ALDH9A1: variants seen among roughly 807,000 people sequenced by gnomAD.
ALDH9A1 encodes the protein aldehyde dehydrogenase 9 family member A1.
Under a neutral mutation model 56.6 loss-of-function variants are expected in ALDH9A1, and 42 were observed. That is an observed-to-expected ratio of 0.74 (90% CI 0.58 to 0.96). The LOEUF (loss-of-function observed/expected upper bound fraction) is 0.96. Among genes scored for constraint, ALDH9A1 ranks in the 40% least tolerant of loss-of-function variants. The probability of loss-of-function intolerance (pLI) is 0.00; values close to 1 mark genes in which losing one functional copy is unlikely to be tolerated. For synonymous variants in ALDH9A1, 242 were observed against 236.0 expected, an observed-to-expected ratio of 1.03 and a Z score of -0.23; for missense variants, 661 against 651.5, an observed-to-expected ratio of 1.01 and a Z score of -0.16.
chr1:165,681,585 T>C (rs889119620), intron 4 of ALDH9A1, among the ~76,000 whole-genome samples: 3 of 152,244 alleles, frequency 2.0e-5, no homozygotes, highest in Non-Finnish European at 4.4e-5. Context: ...AAAATTAGTC[T>C]TCTTTCCTCA....
intron 9 of ALDH9A1, among the ~76,000 whole-genome samples, chr1:165,666,025 T>C (rs1030725159): frequency 1.3e-5 from 2 of 152,146 alleles, no homozygotes; most frequent in Non-Finnish European, 2.9e-5. Context: ...AACAGATGAA[T>C]GGACGAACAA....
chr1:165,669,425 A>G lies in ALDH9A1; in HGVS notation c.956T>C (p.Phe319Ser). 10 of 1,613,660 alleles carry G rather than the reference A, an allele frequency of 6.2e-6. No homozygotes were observed. The highest frequency in any genetic ancestry group is 8.5e-6 in the Non-Finnish European group (10 of 1,179,794). The change falls in exon 7 of 11, where the codon TTT (phenylalanine) becomes TCT (serine). Residue 319 changes from phenylalanine (F) to serine (S), a missense_variant. Transcript: ENST00000354775. Reference sequence around the variant, plus strand: ...TTTATCAAGAATTTCTTTCTGCACAAATACTCTTGTGCCATTACAGCAAAC... The same window carrying G: ...TTTATCAAGAATTTCTTTCTGCACAGATACTCTTGTGCCATTACAGCAAAC... The part of the protein sequence containing the change: ...GQVCCNGTRV[F>S]VQKEILDKFT...
intron 2 of ALDH9A1, among the ~76,000 whole-genome samples, chr1:165,692,298 T>C (rs1233751351): frequency 2.0e-5 from 3 of 152,210 alleles, no homozygotes; most frequent in African/African-American, 7.2e-5. Flanking sequence ...ATGACATGAT[T>C]GTATATTTAG....
rs978410421 is a variant in ALDH9A1 at position 165,697,514 on chromosome 1, T to C, written c.181+864A>G. Among the ~76,000 whole-genome samples, 3 of 152,286 alleles carry C rather than the reference T, an allele frequency of 2.0e-5. No homozygotes were observed. The East Asian group carries it at 5.8e-4, about 29-fold the overall frequency. ...TGGGGAAGAAAGTACTGAATAAAGGTGGGGTTTTTTCCTTTCCCAATTCTG... is the reference window on the plus strand; with the variant it reads ...TGGGGAAGAAAGTACTGAATAAAGGCGGGGTTTTTTCCTTTCCCAATTCTG... On this transcript the variant is annotated intron_variant, in intron 1 of 10. Coordinates refer to ENST00000354775, the MANE Select transcript of ALDH9A1 (RefSeq NM_000696.4).
In ALDH9A1 at chr1:165,663,904, G is replaced by A. The variant is rs534997273; in HGVS notation, c.1463-760C>T. ...TGTTAGGCCAGGTGTTGCTCTGCACGTCTGGCCATCTTTCTCGCTCTCTCA... is the reference window on the plus strand; with the variant it reads ...TGTTAGGCCAGGTGTTGCTCTGCACATCTGGCCATCTTTCTCGCTCTCTCA... On this transcript the variant is annotated intron_variant, in intron 10 of 10. Transcript: ENST00000354775. 4.1e-4 allele frequency among the ~76,000 whole-genome samples: 63 copies of A among 152,320 alleles called. No homozygotes were observed. The South Asian group carries it at 6.2e-3, about 15-fold the overall frequency.
At chr1:165,686,518 TA>T (rs369196873) in intron 2 of ALDH9A1, among the ~76,000 whole-genome samples, 1 of 147,624 alleles carries the variant, frequency 6.8e-6, no homozygotes, top group Non-Finnish European at 1.5e-5. Flanking sequence ...TTTTTTTTTT[TA>T]AAAAAAAAAG....
intron 2 of ALDH9A1, among the ~76,000 whole-genome samples, chr1:165,684,097 A>G (rs1367444368): frequency 1.3e-5 from 2 of 152,190 alleles, no homozygotes; most frequent in African/African-American, 4.8e-5. Flanking sequence ...GAAAAGATGA[A>G]AGTAGGAATA....
At position 165,687,477 on chromosome 1, in the gene ALDH9A1, G is replaced by C. The variant is rs528991975; in HGVS notation, c.328-4367C>G. Among the ~76,000 whole-genome samples the C allele has an allele frequency of 1.8e-4, 28 of 152,028 alleles. No individual in the cohort carries two copies. In the South Asian group the frequency reaches 5.8e-3, roughly 32 times the overall value. ...AAAATATTAAAACAGCCAGGGGTGG[G>C]GGGTAGAGGGAGTACATTACATACA... On this transcript the variant is annotated intron_variant, in intron 2 of 10. Transcript: ENST00000354775.
chr1:165,683,798 A>G (rs7513998), intron 2 of ALDH9A1, among the ~76,000 whole-genome samples: 129,889 of 152,066 alleles, frequency 0.85, 55,838 homozygotes, highest in East Asian at 1. Context: ...AGATGGTCCA[A>G]TGATGAGCTT....
Position 165,663,058 on chromosome 1 carries a change from C to G in ALDH9A1, c.1549G>C (p.Ala517Pro), listed in dbSNP as rs1213908491. 5.0e-6 allele frequency: 8 copies of G among 1,613,914 alleles called. No homozygotes were observed. Among genetic ancestry groups the G allele is most frequent in the Non-Finnish European group, 6.8e-6 (8 of 1,179,872 alleles). Reference sequence around the variant, plus strand: ...GGTTTCACTGCAGGTTTTCAAAAAGCAGATTCCACATCACCCATCTCCACA... The same window carrying G: ...GGTTTCACTGCAGGTTTTCAAAAAGGAGATTCCACATCACCCATCTCCACA... ...VCVEMGDVES[A>P]F The change falls in exon 11 of 11, where the codon GCT becomes CCT. Residue 517 changes from alanine to proline, a missense_variant. Coordinates refer to ENST00000354775, the MANE Select transcript of ALDH9A1 (RefSeq NM_000696.4).
intron 2 of ALDH9A1, among the ~76,000 whole-genome samples, chr1:165,690,673 T>C (rs952227403): frequency 5.9e-5 from 9 of 152,128 alleles, no homozygotes; most frequent in African/African-American, 2.2e-4. Context: ...ACTGCGCTTT[T>C]CCAACAGTCT....
chr1:165,679,344 T>C (rs1649468303), intron 6 of ALDH9A1, 98 bp downstream of exon 6: 2 of 1,382,486 alleles, frequency 1.4e-6, no homozygotes, highest in Admixed American at 4.9e-5. Flanking sequence ...AACTTTTCTG[T>C]AAGTCTGAAA....
At chr1:165,671,635 C>T in intron 6 of ALDH9A1, 1 of 484,372 alleles carries the variant, frequency 2.1e-6, no homozygotes. Flanking sequence ...TGATAGAGAG[C>T]CGGATTCACT....
At chr1:165,680,736 C>A in intron 4 of ALDH9A1, 53 bp from the exon 5 acceptor site, 1 of 1,498,394 alleles carries the variant, frequency 6.7e-7, no homozygotes, top group Non-Finnish European at 9.0e-7. Flanking sequence ...CCAGTGATCC[C>A]CTGAAAACAG....
At chr1:165,673,814 G>A (rs552968305) in intron 6 of ALDH9A1, among the ~76,000 whole-genome samples, 1 of 152,078 alleles carries the variant, frequency 6.6e-6, no homozygotes, top group Non-Finnish European at 1.5e-5. Flanking sequence ...AAAGGGAGAG[G>A]GGAAATGTCA....
intron 2 of ALDH9A1, 38 bp downstream of exon 2, chr1:165,695,214 A>G (rs778497884): frequency 6.4e-7 from 1 of 1,557,024 alleles, no homozygotes; most frequent in East Asian, 2.4e-5. Flanking sequence ...ACCTCAGAGC[A>G]ATGTCTGAGT....
At chr1:165,666,422 G>T (rs1366443356) in intron 9 of ALDH9A1, among the ~76,000 whole-genome samples, 1 of 152,170 alleles carries the variant, frequency 6.6e-6, no homozygotes, top group Non-Finnish European at 1.5e-5. Context: ...TCCCAGTAAA[G>T]CTGGTAAGAA....
In ALDH9A1 at chr1:165,669,261, C is replaced by A; in HGVS notation, c.1119+1G>T. On this transcript the variant is annotated splice_donor_variant, in intron 7 of 10. Coordinates refer to ENST00000354775, the MANE Select transcript of ALDH9A1 (RefSeq NM_000696.4). LOFTEE classifies it high-confidence loss of function. Reference sequence around the variant, plus strand: ...CCACCCTACTGCCAATTATTTCTTACCTGCTCCTTTGCCACTTTGACAAAC... The same window carrying A: ...CCACCCTACTGCCAATTATTTCTTAACTGCTCCTTTGCCACTTTGACAAAC... The A allele has an allele frequency of 6.2e-7, 1 of 1,600,072 alleles. No individual in the cohort carries two copies. Among genetic ancestry groups the A allele is most frequent in the Non-Finnish European group, 8.5e-7 (1 of 1,173,960 alleles).
In ALDH9A1 at chr1:165,663,105, T is replaced by A. The variant is rs760025374; in HGVS notation, c.1502A>T (p.Tyr501Phe). ...RENGRVTIEY[Y>F]SQLKTVCVEM... ...CACACACACAGTCTTCAGCTGTGAA[T>A]AATATTCGATTGTCACACGGCCGTT... Residue 501 changes from tyrosine (Y) to phenylalanine (F), a missense_variant, in exon 11 of 11, where the codon TAT becomes TTT. Physicochemically the swap from Tyr to Phe is conservative, Grantham distance 22. Transcript: ENST00000354775. 11 of 1,614,094 alleles carry A rather than the reference T, an allele frequency of 6.8e-6. No individual in the cohort carries two copies. Among genetic ancestry groups the A allele is most frequent in the East Asian group, 2.2e-5 (1 of 44,880 alleles).
Sources: gnomAD v4.1 joint callset for allele counts (sites outside exome capture counted in the v4.1 genomes callset) on GRCh38, gnomAD v4.1.1 for gene constraint, MANE v1.5 for transcripts, NCBI Gene and HGNC (gene_info 2026-07-23, HGNC 2026-07-21) for gene names.